Variants in ARHGEF38 observed in about 807,000 individuals in gnomAD.
ARHGEF38 encodes Rho guanine nucleotide exchange factor 38, also known as Rho guanine nucleotide exchange factor (GEF) 38.
A neutral mutation model predicts 79.9 loss-of-function variants in ARHGEF38; 79 were observed. The ratio of observed to expected loss-of-function variants is 0.99; its 90% confidence interval spans 0.82 to 1.19. ARHGEF38 has a LOEUF of 1.19. Among genes scored for constraint, ARHGEF38 ranks in the 50% most tolerant of loss-of-function variants. The pLI is 0.00. For missense variants in ARHGEF38, 962 were observed against 907.2 expected, an observed-to-expected ratio of 1.06 and a Z score of -0.78; for synonymous variants, 366 against 328.3, an observed-to-expected ratio of 1.11 and a Z score of -1.24.
intron 9 of ARHGEF38, among the ~76,000 whole-genome samples, chr4:105,657,028 T>TGATAGATA (rs200343666): frequency 2.0e-5 from 3 of 151,444 alleles, no homozygotes; most frequent in East Asian, 1.9e-4. Flanking sequence ...GATAGATAGA[T>TGATAGATA]GATAGATAGA....
Position 105,667,703 on chromosome 4 carries a change from G to C in ARHGEF38, c.2148G>C (p.Gln716His). ...ACAGTTTTCAAGAAGTAGACGAACAGGTAAAAATTTGATGTAAAAATATGT... is the reference window on the plus strand; with the variant it reads ...ACAGTTTTCAAGAAGTAGACGAACACGTAAAAATTTGATGTAAAAATATGT... Reference protein sequence around the residue: ...DVDSFQEVDEQIFYAVHAFQA... With the variant: ...DVDSFQEVDEHIFYAVHAFQA... Residue 716 changes from glutamine to histidine, a missense_variant and splice_region_variant, in exon 13 of 14, where the codon CAG (glutamine) becomes CAC (histidine). Physicochemically the swap from Gln to His is conservative, Grantham distance 24. Coordinates refer to ENST00000420470, the MANE Select transcript of ARHGEF38 (RefSeq NM_001242729.2). The C allele has an allele frequency of 6.5e-7, 1 of 1,535,972 alleles. No individual in the cohort carries two copies. The highest frequency in any genetic ancestry group is 8.7e-7 in the Non-Finnish European group (1 of 1,146,868).
downstream of ARHGEF38, among the ~76,000 whole-genome samples, chr4:105,681,785 T>C (rs949051419): frequency 4.6e-5 from 7 of 152,202 alleles, no homozygotes; most frequent in African/African-American, 1.7e-4. Context: ...GTTAACAATG[T>C]ACAAAACAAT....
At chr4:105,651,579 C>A (rs1005380874) in intron 7 of ARHGEF38, among the ~76,000 whole-genome samples, 4 of 152,164 alleles carry the variant, frequency 2.6e-5, no homozygotes, top group African/African-American at 4.8e-5. Flanking sequence ...AGGGTAAAGA[C>A]AACATATCTG....
At chr4:105,566,578 C>G (rs573492553) in intron 1 of ARHGEF38, among the ~76,000 whole-genome samples, 2 of 152,206 alleles carry the variant, frequency 1.3e-5, no homozygotes, top group African/African-American at 4.8e-5. Flanking sequence ...CAGTTATACT[C>G]TCTTAGATAT....
intron 7 of ARHGEF38, 102 bp from the exon 8 acceptor site, chr4:105,653,963 A>G: frequency 1.9e-6 from 1 of 519,672 alleles, no homozygotes; most frequent in Non-Finnish European, 3.2e-6. Flanking sequence ...TCATATCATC[A>G]AAGAATTTTC....
intron 5 of ARHGEF38, among the ~76,000 whole-genome samples, chr4:105,639,079 T>C (rs1276367071): frequency 1.3e-5 from 2 of 152,048 alleles, no homozygotes; most frequent in Non-Finnish European, 2.9e-5. Flanking sequence ...CAACACTAGA[T>C]ACAAATAATA....
rs1172764949 is a variant in ARHGEF38, at chr4:105,679,241, T to C, written c.*1304T>C. The C allele has an allele frequency of 1.5e-6, 1 of 679,040 alleles. No homozygotes were observed. Among genetic ancestry groups the C allele is most frequent in the East Asian group, 2.6e-5 (1 of 39,188 alleles). 42.1% of individuals were successfully genotyped at this position (679,040 alleles called of 1,614,324 possible). On this transcript the variant is annotated 3_prime_UTR_variant, in exon 14 of 14. Coordinates refer to ENST00000420470, the MANE Select transcript of ARHGEF38 (RefSeq NM_001242729.2). ...GAATTAAAAGATGTTTCCATCATAATATTCTTTAATTTCAGGTAATTTAGC... is the reference window on the plus strand; with the variant it reads ...GAATTAAAAGATGTTTCCATCATAACATTCTTTAATTTCAGGTAATTTAGC...
chr4:105,660,504 A>C (rs145959718), intron 10 of ARHGEF38, among the ~76,000 whole-genome samples: 3,608 of 151,564 alleles, frequency 0.024, 71 homozygotes, highest in African/African-American at 0.057. Context: ...CAAAGGCCCA[A>C]TCTCGGCTCA....
intron 2 of ARHGEF38, among the ~76,000 whole-genome samples, chr4:105,598,122 T>C (rs1022952504): frequency 3.9e-5 from 6 of 152,198 alleles, no homozygotes; most frequent in Non-Finnish European, 8.8e-5. Context: ...CAACCTCCTA[T>C]GTATCTTGGC....
intron 3 of ARHGEF38, among the ~76,000 whole-genome samples, chr4:105,620,281 G>A (rs1356516922): frequency 2.6e-5 from 4 of 152,156 alleles, no homozygotes; most frequent in African/African-American, 9.7e-5. Context: ...ATATCAGGTT[G>A]ACTTGGGTTA....
rs1389959251 is a variant in ARHGEF38 at position 105,597,049 on chromosome 4, C to A, written c.384+7614C>A. On this transcript the variant is annotated intron_variant, in intron 2 of 13. Transcript: ENST00000420470. ...TCTCTCCCAGCCCAGCTCCTCAGAC[C>A]CCCAACTTGTCCATAACAGGAATTC... Among the ~76,000 whole-genome samples, 5 of 152,256 alleles carry A rather than the reference C, an allele frequency of 3.3e-5. No individual in the cohort carries two copies. In the South Asian group the frequency reaches 6.2e-4, roughly 19 times the overall value.
chr4:105,553,535 A>C (rs1308543861), intron 1 of ARHGEF38, among the ~76,000 whole-genome samples: 3 of 152,366 alleles, frequency 2.0e-5, no homozygotes, highest in Non-Finnish European at 1.5e-5. Context: ...AATAATACTC[A>C]AATATGGTAA....
chr4:105,567,647 A>C, intron 1 of ARHGEF38, among the ~76,000 whole-genome samples: 1 of 152,210 alleles, frequency 6.6e-6, no homozygotes, highest in Non-Finnish European at 1.5e-5. Flanking sequence ...CCCTGTCTTT[A>C]CTTCTAGATT....
intron 1 of ARHGEF38, among the ~76,000 whole-genome samples, chr4:105,554,776 C>T (rs1444917068): frequency 6.6e-6 from 1 of 151,920 alleles, no homozygotes; most frequent in Admixed American, 6.6e-5. Context: ...AGTATACTGG[C>T]TGATAAATTT....
In ARHGEF38 at chr4:105,566,043, C is replaced by A. The variant is rs185504208; in HGVS notation, c.196+13082C>A. On this transcript the variant is annotated intron_variant, in intron 1 of 13. Coordinates refer to ENST00000420470, the MANE Select transcript of ARHGEF38 (RefSeq NM_001242729.2). ...CCACAGGCTTCCTCCTCACCCTCCC[C>A]TCTCAAATCTAGTTCAGTGGAGGCC... 1.7e-4 allele frequency among the ~76,000 whole-genome samples: 26 copies of A among 152,296 alleles called. No homozygotes were observed. In the East Asian group the frequency reaches 4.6e-3, roughly 27 times the overall value.
chr4:105,661,620 A>T lies in ARHGEF38; in HGVS notation c.1545+2255A>T, dbSNP rs1458900509. Among the ~76,000 whole-genome samples, 3 of 151,760 alleles carry T rather than the reference A, an allele frequency of 2.0e-5. No homozygotes were observed. In the East Asian group the frequency reaches 5.8e-4, roughly 29 times the overall value. On this transcript the variant is annotated intron_variant, in intron 10 of 13. Coordinates refer to ENST00000420470, the MANE Select transcript of ARHGEF38 (RefSeq NM_001242729.2). ...TAAAACTCATTAAATTGAAGTAATAACTTCTATACATTAAACTGCACCAGT... is the reference window on the plus strand; with the variant it reads ...TAAAACTCATTAAATTGAAGTAATATCTTCTATACATTAAACTGCACCAGT...
intron 13 of ARHGEF38, among the ~76,000 whole-genome samples, chr4:105,670,100 G>A (rs772969252): frequency 4.6e-5 from 7 of 152,088 alleles, no homozygotes; most frequent in African/African-American, 1.4e-4. Context: ...ATGAATATTC[G>A]TGTGCAAGTC....
intron 5 of ARHGEF38, among the ~76,000 whole-genome samples, chr4:105,639,112 T>C (rs1729516861): frequency 6.6e-6 from 1 of 152,044 alleles, no homozygotes; most frequent in Non-Finnish European, 1.5e-5. Context: ...TAACTTGTAA[T>C]GTATAGGCCC....
chr4:105,570,539 C>T (rs1001578570), intron 1 of ARHGEF38, among the ~76,000 whole-genome samples: 2 of 152,144 alleles, frequency 1.3e-5, no homozygotes, highest in Non-Finnish European at 2.9e-5. Context: ...CAAACACATC[C>T]TTCTCATGGC....
Sources: allele counts gnomAD v4.1 joint callset (sites outside exome capture counted in the v4.1 genomes callset), GRCh38; gene constraint gnomAD v4.1.1; transcripts MANE v1.5; gene names NCBI Gene and HGNC (gene_info 2026-07-23, HGNC 2026-07-21).